Variants in DAB1 observed in about 807,000 individuals in gnomAD.
The protein encoded by DAB1 is disabled homolog 1.
Under a neutral mutation model 64.6 loss-of-function variants are expected in DAB1, and 15 were observed. The observed-to-expected ratio is 0.23, with a 90% CI of 0.16 to 0.36. The LOEUF is 0.36. Ranked by LOEUF, DAB1 falls within the 10% of genes least tolerant of loss-of-function variation. The pLI, the probability that DAB1 is intolerant of heterozygous loss-of-function variation, is 1.00. For synonymous variants in DAB1, 235 were observed against 251.9 expected, an observed-to-expected ratio of 0.93 and a Z score of 0.64; for missense variants, 596 against 706.7, an observed-to-expected ratio of 0.84 and a Z score of 1.78.
At chr1:57,493,925 G>A (rs186703560) in intron 7 of DAB1, among the ~76,000 whole-genome samples, 1 of 152,118 alleles carries the variant, frequency 6.6e-6, no homozygotes, top group East Asian at 1.9e-4. Flanking sequence ...GCAATCAGAG[G>A]CTTTGTGTGT....
chr1:57,736,919 C>T (rs1260097095), intron 6 of DAB1, among the ~76,000 whole-genome samples: 1 of 152,188 alleles, frequency 6.6e-6, no homozygotes, highest in Non-Finnish European at 1.5e-5. Context: ...AAGGAAGAGA[C>T]AACCTAGGTG....
chr1:57,101,125 CT>C (rs879567133), intron 4 of DAB1, among the ~76,000 whole-genome samples: 1 of 152,136 alleles, frequency 6.6e-6, no homozygotes, highest in Non-Finnish European at 1.5e-5. Context: ...CTTCTTACCC[CT>C]GGCATGGTAC....
chr1:58,546,448 G>A (rs1646707147), intron 1 of DAB1, among the ~76,000 whole-genome samples: 1 of 152,082 alleles, frequency 6.6e-6, no homozygotes, highest in African/African-American at 2.4e-5. Context: ...GCAAGGCTAG[G>A]GGAGAACCGG....
intron 3 of DAB1, among the ~76,000 whole-genome samples, chr1:58,501,660 C>G (rs538144160): frequency 4.6e-5 from 7 of 152,272 alleles, no homozygotes; most frequent in African/African-American, 1.7e-4. Context: ...TCAATGAAAC[C>G]TTCTTTGACT....
At chr1:58,272,646 A>G (rs1202777156) in intron 4 of DAB1, among the ~76,000 whole-genome samples, 1 of 142,248 alleles carries the variant, frequency 7.0e-6, no homozygotes, top group Non-Finnish European at 1.5e-5. Flanking sequence ...CCCATTATTA[A>G]TGCGTGGGAG....
At chr1:58,428,159 A>C (rs1644838506) in intron 3 of DAB1, among the ~76,000 whole-genome samples, 1 of 152,252 alleles carries the variant, frequency 6.6e-6, no homozygotes, top group Non-Finnish European at 1.5e-5. Context: ...TTAGATGATC[A>C]CCATTTTGTT....
intron 4 of DAB1, among the ~76,000 whole-genome samples, chr1:58,246,585 A>G (rs1412456530): frequency 2.6e-5 from 4 of 152,118 alleles, no homozygotes; most frequent in Non-Finnish European, 5.9e-5. Context: ...AAGTGCATAG[A>G]TGTGAGTGTG....
At chr1:58,186,817 C>T (rs1474041106) in intron 4 of DAB1, among the ~76,000 whole-genome samples, 2 of 152,200 alleles carry the variant, frequency 1.3e-5, no homozygotes, top group African/African-American at 4.8e-5. Flanking sequence ...CTATGTCTTT[C>T]TCATCTTCCA....
intron 6 of DAB1, among the ~76,000 whole-genome samples, chr1:57,785,041 G>C (rs935394730): frequency 4.6e-5 from 7 of 152,140 alleles, no homozygotes; most frequent in Admixed American, 6.5e-5. Context: ...TACTCATTTA[G>C]TATTCTGAAA....
At chr1:58,334,914 T>C (rs1309152459) in intron 4 of DAB1, among the ~76,000 whole-genome samples, 3 of 152,144 alleles carry the variant, frequency 2.0e-5, no homozygotes, top group Non-Finnish European at 4.4e-5. Flanking sequence ...ATATTTACTA[T>C]GCACTAGCAC....
chr1:57,924,688 CA>C (rs1361079221), intron 5 of DAB1, among the ~76,000 whole-genome samples: 1 of 141,700 alleles, frequency 7.1e-6, no homozygotes, highest in Non-Finnish European at 1.5e-5. Context: ...AGGCTGATTT[CA>C]AACTCCTGAC....
At chr1:58,468,386 T>C (rs971737712) in intron 3 of DAB1, 1 of 152,262 alleles carries the variant, frequency 6.6e-6, no homozygotes, top group African/African-American at 2.4e-5. Context: ...TGTATGTATG[T>C]TGATGCCTAT....
At chr1:58,442,046 C>G (rs1406822731) in intron 3 of DAB1, among the ~76,000 whole-genome samples, 1 of 152,154 alleles carries the variant, frequency 6.6e-6, no homozygotes, top group Non-Finnish European at 1.5e-5. Flanking sequence ...AAATAACACC[C>G]GGAAGGAAGT....
At chr1:57,464,514 G>A (rs982588334) in intron 7 of DAB1, among the ~76,000 whole-genome samples, 7 of 152,092 alleles carry the variant, frequency 4.6e-5, no homozygotes, top group African/African-American at 1.7e-4. Flanking sequence ...TCCTACACCA[G>A]GCATAATCTT....
chr1:57,115,912 A>C (rs1656064115), intron 4 of DAB1, among the ~76,000 whole-genome samples: 1 of 152,174 alleles, frequency 6.6e-6, no homozygotes, highest in South Asian at 2.1e-4. Flanking sequence ...CAAACAAATG[A>C]TGTAACCACA....
At chr1:58,299,508 T>C (rs1662071623) in intron 4 of DAB1, among the ~76,000 whole-genome samples, 4 of 152,230 alleles carry the variant, frequency 2.6e-5, no homozygotes, top group African/African-American at 4.8e-5. Flanking sequence ...CAGAGGTGCA[T>C]GTATGCAATG....
At chr1:57,384,187 A>G (rs1391494172) in intron 1 of DAB1, among the ~76,000 whole-genome samples, 2 of 152,186 alleles carry the variant, frequency 1.3e-5, no homozygotes, top group African/African-American at 2.4e-5. Context: ...TAAAGCCACA[A>G]TGAGATATCA....
intron 9 of DAB1, among the ~76,000 whole-genome samples, chr1:57,027,047 A>C (rs1251098068): frequency 6.6e-6 from 1 of 152,152 alleles, no homozygotes; most frequent in South Asian, 2.1e-4. Context: ...AGTAGAAGGG[A>C]TGTGAAGAGT....
chr1:57,378,416 T>C (rs569469387), intron 1 of DAB1, among the ~76,000 whole-genome samples: 3 of 152,348 alleles, frequency 2.0e-5, no homozygotes, highest in African/African-American at 7.2e-5. Flanking sequence ...TTTTAAATCC[T>C]GAGGAACTCC....
Sources: allele counts gnomAD v4.1 joint callset (sites outside exome capture counted in the v4.1 genomes callset), GRCh38; gene constraint gnomAD v4.1.1; transcripts MANE v1.5; gene names NCBI Gene and HGNC (gene_info 2026-07-23, HGNC 2026-07-21).